NKPD1: variants seen among roughly 807,000 people sequenced by gnomAD.
The protein encoded by NKPD1 is NTPase KAP family P-loop domain containing 1.
A neutral mutation model predicts 42.2 loss-of-function variants in NKPD1; 37 were observed. The ratio of observed to expected loss-of-function variants is 0.88; its 90% confidence interval spans 0.67 to 1.15. The LOEUF (loss-of-function observed/expected upper bound fraction) is 1.15. Among genes scored for constraint, NKPD1 ranks in the 50% most tolerant of loss-of-function variants. The probability of loss-of-function intolerance (pLI) is 0.00; values close to 1 mark genes in which losing one functional copy is unlikely to be tolerated. For synonymous variants in NKPD1, 552 were observed against 536.5 expected, an observed-to-expected ratio of 1.03 and a Z score of -0.40; for missense variants, 1,113 against 1,174.6, an observed-to-expected ratio of 0.95 and a Z score of 0.77.
At position 45,152,142 on chromosome 19, in the gene NKPD1, C is replaced by A. The variant is rs1968792253; in HGVS notation, c.2295G>T (p.Pro765=). 6 of 1,599,860 alleles carry A rather than the reference C, an allele frequency of 3.8e-6. No homozygotes were observed. Among genetic ancestry groups the A allele is most frequent in the Non-Finnish European group, 5.1e-6 (6 of 1,174,250 alleles). The part of the protein sequence containing the change: ...GLIRAVSALK[P]PSPPKSPTRD... ...GGGTAGGGGACTTGGGCGGGCTGGG[C>A]GGCTTGAGCGCGCTGACGGCTCGGA... Residue 765 remains proline, a synonymous_variant, in exon 5 of 5, where the codon CCG becomes CCT. Coordinates refer to ENST00000686631, the MANE Select transcript of NKPD1 (RefSeq NM_198478.4).
chr19:45,158,253 C>A lies in NKPD1; in HGVS notation c.529+410G>T, dbSNP rs1968939937. Among the ~76,000 whole-genome samples the A allele has an allele frequency of 6.6e-6, 1 of 152,232 alleles. No individual in the cohort carries two copies. The highest frequency in any genetic ancestry group is 2.1e-4 in the South Asian group (1 of 4,830). ...TGACCTTTGCTCTCCGTTCCCCAGGCTACTCCCTAGCTCTGTCTTCCCCAA... is the reference window on the plus strand; with the variant it reads ...TGACCTTTGCTCTCCGTTCCCCAGGATACTCCCTAGCTCTGTCTTCCCCAA... On this transcript the variant is annotated intron_variant, in intron 3 of 4. Transcript: ENST00000686631. This position sits in a 1 kb window ranked among gnomAD's most constrained non-coding sequence, Gnocchi z 4.6.
rs1968789876 is a variant in NKPD1, at chr19:45,152,098, G to A, written c.2339C>T (p.Ala780Val). The part of the protein sequence containing the change: ...KSPTRDTPHA[A>V]HRANSASRAP... ...CCTGGAGGCGCTGTTGGCCCGGTGGGCAGCGTGGGGGGTATCGCGGGTAGG... is the reference window on the plus strand; with the variant it reads ...CCTGGAGGCGCTGTTGGCCCGGTGGACAGCGTGGGGGGTATCGCGGGTAGG... Residue 780 changes from alanine (A) to valine (V), a missense_variant, in exon 5 of 5, where the codon GCC becomes GTC. Transcript: ENST00000686631. 4 of 1,605,960 alleles carry A rather than the reference G, an allele frequency of 2.5e-6. No homozygotes were observed. Among genetic ancestry groups the A allele is most frequent in the Non-Finnish European group, 3.4e-6 (4 of 1,177,272 alleles).
At chr19:45,161,156 G>A (rs16979707), upstream of NKPD1, among the ~76,000 whole-genome samples, 4 of 152,204 alleles carry the variant, frequency 2.6e-5, no homozygotes, top group Non-Finnish European at 4.4e-5. Flanking sequence ...GGTAAGGAAC[G>A]GAGATGCATC....
In NKPD1 at chr19:45,153,603, GA is replaced by G; in HGVS notation, c.833del (p.Phe278SerfsTer20). On this transcript the variant is annotated frameshift_variant, in exon 5 of 5. Transcript: ENST00000686631. LOFTEE classifies it high-confidence loss of function. ...HLRRRNVQFL[F>X]IRFSAWQYAG... ...CGTACTGCCAGGCGCTAAAGCGGAT[GA>G]AAAGGAACTGCACGTTCCTGCGCCG... is the stretch of plus-strand genomic sequence containing the variant. 2 of 1,573,240 alleles carry G rather than the reference GA, an allele frequency of 1.3e-6. No individual in the cohort carries two copies. Among genetic ancestry groups the G allele is most frequent in the Non-Finnish European group, 1.7e-6 (2 of 1,157,002 alleles).
chr19:45,152,367 G>A lies in NKPD1; in HGVS notation c.2070C>T (p.Leu690=), dbSNP rs770032033. 9.6e-5 allele frequency: 153 copies of A among 1,596,646 alleles called. No individual in the cohort carries two copies. The African/African-American group carries it at 1.9e-3, about 19-fold the overall frequency. The change falls in exon 5 of 5, where the codon CTC becomes CTT. Residue 690 remains leucine (L), a synonymous_variant. Transcript: ENST00000686631. ...GGCTGTTGTCGCGGAAAACGTCCCA[G>A]AGGCGCGCGCGGCCCTCGGGCGCGC... ...TGGAPEGRAR[L]WDVFRDNSRE... is the part of the protein sequence containing the mutation.
chr19:45,155,499 C>T (rs1968885250), intron 4 of NKPD1, among the ~76,000 whole-genome samples: 1 of 152,218 alleles, frequency 6.6e-6, no homozygotes, highest in Non-Finnish European at 1.5e-5. Flanking sequence ...GCCTCAGGTG[C>T]TGGGGAGCAT....
In NKPD1 at chr19:45,150,549, C is replaced by G. The variant is rs535531695; in HGVS notation, c.*1389G>C. ...ACTTAACGGTGTCACGAGGCCCCATCCTTCTCCCTCTGAGGCCAGCTCTCC... is the reference window on the plus strand; with the variant it reads ...ACTTAACGGTGTCACGAGGCCCCATGCTTCTCCCTCTGAGGCCAGCTCTCC... On this transcript the variant is annotated 3_prime_UTR_variant, in exon 5 of 5. Coordinates refer to ENST00000686631, the MANE Select transcript of NKPD1 (RefSeq NM_198478.4). The G allele has an allele frequency of 6.6e-6, 1 of 152,468 alleles. No homozygotes were observed. Among genetic ancestry groups the G allele is most frequent in the Non-Finnish European group, 1.5e-5 (1 of 68,148 alleles). 9.4% of individuals were successfully genotyped at this position (152,468 alleles called of 1,614,324 possible). A position where few individuals can be genotyped will look rare whatever the true frequency, so the allele number is the denominator to read the frequency against.
chr19:45,152,421 C>G lies in NKPD1; in HGVS notation c.2016G>C (p.Gln672His). ...CGGTCTGCTGCCGGTCCTCCAGGCA[C>G]TGCAGCGCCCAGCTCAGGCGGCACG... ...QWPCRLSWAL[Q>H]CLEDRQQTGG... The change falls in exon 5 of 5, where the codon CAG becomes CAC. Residue 672 changes from glutamine (Q) to histidine (H), a missense_variant. By Grantham distance (24) the Gln-to-His change is conservative. This residue lies in a region of NKPD1 where 867 missense variants were observed against 870.1 expected (regional missense o/e 1.00). Transcript: ENST00000686631. 6.4e-7 allele frequency: 1 copy of G among 1,570,072 alleles called. No homozygotes were observed. The highest frequency in any genetic ancestry group is 8.6e-7 in the Non-Finnish European group (1 of 1,160,116).
At position 45,152,652 on chromosome 19, in the gene NKPD1, C is replaced by T. The variant is rs995942149; in HGVS notation, c.1785G>A (p.Arg595=). 1 of 1,551,252 alleles carries T rather than the reference C, an allele frequency of 6.4e-7. No homozygotes were observed. The highest frequency in any genetic ancestry group is 8.6e-7 in the Non-Finnish European group (1 of 1,157,534). The change falls in exon 5 of 5, where the codon CGG becomes CGA. Residue 595 remains arginine (R), a synonymous_variant. Transcript: ENST00000686631. The part of the protein sequence containing the change: ...GQGRIDDEAA[R]RIQEALFCLH... Reference sequence around the variant, plus strand: ...GGCAGAAGAGCGCCTCCTGGATTCGCCGCGCCGCCTCGTCGTCGATGCGGC... The same window carrying T: ...GGCAGAAGAGCGCCTCCTGGATTCGTCGCGCCGCCTCGTCGTCGATGCGGC...
chr19:45,153,205 ATCT>A lies in NKPD1; in HGVS notation c.1229_1231del (p.Lys410del). 6.3e-7 allele frequency: 1 copy of A among 1,593,548 alleles called. No homozygotes were observed. Among genetic ancestry groups the A allele is most frequent in the Non-Finnish European group, 8.5e-7 (1 of 1,170,654 alleles). On this transcript the variant is annotated inframe_deletion, in exon 5 of 5. Coordinates refer to ENST00000686631, the MANE Select transcript of NKPD1 (RefSeq NM_198478.4). Reference sequence around the variant, plus strand: ...CTTTTCACGCGACACCAGCCGCTCGATCTTCTTGCGCTGGCTTACGAACAGGTG... The same window carrying A: ...CTTTTCACGCGACACCAGCCGCTCGATCTTGCGCTGGCTTACGAACAGGTG...
At chr19:45,161,524 C>A (rs906460608), upstream of NKPD1, among the ~76,000 whole-genome samples, 1 of 152,250 alleles carries the variant, frequency 6.6e-6, no homozygotes, top group Non-Finnish European at 1.5e-5. Flanking sequence ...CTCCACCACC[C>A]AGGGGGCCAG....
rs764226958 is a variant in NKPD1 at position 45,153,188 on chromosome 19, G to A, written c.1249C>T (p.Arg417Cys). The change falls in exon 5 of 5, where the codon CGT (arginine) becomes TGT (cysteine). Residue 417 changes from arginine (R) to cysteine (C), a missense_variant. Around this residue, in one of 3 missense-constraint regions of NKPD1, gnomAD observed 867 missense variants for 870.1 expected, o/e 1.00. Transcript: ENST00000686631. ...QRKKIERLVS[R>C]EKFGSQLGFM... is the part of the protein sequence containing the mutation. ...CCCAGCTGGCTGCCGAACTTTTCAC[G>A]CGACACCAGCCGCTCGATCTTCTTG... 1.0e-5 allele frequency: 16 copies of A among 1,584,576 alleles called. No homozygotes were observed. Among genetic ancestry groups the A allele is most frequent in the Non-Finnish European group, 1.3e-5 (15 of 1,166,360 alleles).
intron 3 of NKPD1, among the ~76,000 whole-genome samples, chr19:45,156,601 C>G (rs950904515): frequency 5.3e-5 from 8 of 152,200 alleles, no homozygotes; most frequent in African/African-American, 2.4e-5. Context: ...AGCGCCGGGC[C>G]CTTGGTCAAT....
chr19:45,152,018 C>G lies in NKPD1; in HGVS notation c.2419G>C (p.Asp807His). 6.2e-7 allele frequency: 1 copy of G among 1,610,662 alleles called. No homozygotes were observed. The highest frequency in any genetic ancestry group is 1.7e-5 in the Admixed American group (1 of 59,906). The change falls in exon 5 of 5, where the codon GAC becomes CAC. Residue 807 changes from aspartate (D) to histidine (H), a missense_variant. Physicochemically the swap from Asp to His is moderately conservative, Grantham distance 81. Transcript: ENST00000686631. ...CATAGCTTGCCCCTGTGGGCCAAGT[C>G]CCCAGTGTGGTGGCCTTCGCCGGCT... ...GQAGEGHHTG[D>H]LAHRGKLWPV...
In NKPD1 at chr19:45,156,873, G is replaced by A. The variant is rs1968912928; in HGVS notation, c.530-957C>T. 3.3e-5 allele frequency among the ~76,000 whole-genome samples: 5 copies of A among 152,338 alleles called. No individual in the cohort carries two copies. The South Asian group carries it at 1.0e-3, about 32-fold the overall frequency. On this transcript the variant is annotated intron_variant, in intron 3 of 4. Coordinates refer to ENST00000686631, the MANE Select transcript of NKPD1 (RefSeq NM_198478.4). Reference sequence around the variant, plus strand: ...CCTGGCGGCAGAGCCAGGAGGCCAGGAAGCAGACTCAGGAGTAGTTCTACT... The same window carrying A: ...CCTGGCGGCAGAGCCAGGAGGCCAGAAAGCAGACTCAGGAGTAGTTCTACT...
rs1599717500 is a variant in NKPD1, at chr19:45,150,723, T to A, written c.*1215A>T. ...ACCTGCATGCACCTGTGACAATTGCTGTGGCCAGAGAACTCCGGTGCTGCA... is the reference window on the plus strand; with the variant it reads ...ACCTGCATGCACCTGTGACAATTGCAGTGGCCAGAGAACTCCGGTGCTGCA... On this transcript the variant is annotated 3_prime_UTR_variant, in exon 5 of 5. Transcript: ENST00000686631. 6.6e-6 allele frequency: 1 copy of A among 152,410 alleles called. No homozygotes were observed. The highest frequency in any genetic ancestry group is 1.9e-4 in the East Asian group (1 of 5,184). The allele number at this position is 152,410 out of a possible 1,614,324, so 9.4% of individuals were successfully genotyped here.
rs761204103 is a variant in NKPD1, at chr19:45,158,896, C to T, written c.296G>A (p.Arg99Gln). ...CTGGGCTTCGTGAATGGGGCAGAGC[C>T]GCTGCCGCAGGGGGCTGGGAGGTGA... Reference protein sequence around the residue: ...QPSPPSPLRQRLCPIHEAQKG... With the variant: ...QPSPPSPLRQQLCPIHEAQKG... Residue 99 changes from arginine to glutamine, a missense_variant, in exon 3 of 5, where the codon CGG becomes CAG. Physicochemically the swap from Arg to Gln is conservative, Grantham distance 43. Coordinates refer to ENST00000686631, the MANE Select transcript of NKPD1 (RefSeq NM_198478.4). This position sits in a 1 kb window ranked among gnomAD's most constrained non-coding sequence, Gnocchi z 4.6. 6 of 1,292,920 alleles carry T rather than the reference C, an allele frequency of 4.6e-6. No homozygotes were observed. Among genetic ancestry groups the T allele is most frequent in the African/African-American group, 3.1e-5 (2 of 65,364 alleles). The allele number at this position is 1,292,920 out of a possible 1,614,324, so 80.1% of individuals were successfully genotyped here.
chr19:45,161,546 G>A (rs966594233), upstream of NKPD1, among the ~76,000 whole-genome samples: 20 of 152,198 alleles, frequency 1.3e-4, no homozygotes, highest in African/African-American at 3.6e-4. Context: ...TGTGATGCCC[G>A]CTTCACAGAT....
rs547026989 is a variant in NKPD1 at position 45,153,399 on chromosome 19, C to G, written c.1038G>C (p.Ala346=). Residue 346 remains alanine, a synonymous_variant, in exon 5 of 5, where the codon GCG becomes GCC. Transcript: ENST00000686631. ...CRRRVCLGLL[A]LLAALGLGVG... is the part of the protein sequence containing the mutation. ...CACCCAGGCCCAGCGCCGCCAGCAG[C>G]GCCAGCAGCCCCAGGCACACGCGGC... 3.9e-6 allele frequency: 6 copies of G among 1,555,552 alleles called. No homozygotes were observed. The highest frequency in any genetic ancestry group is 5.2e-6 in the Non-Finnish European group (6 of 1,154,142).
Sources: allele counts gnomAD v4.1 joint callset (sites outside exome capture counted in the v4.1 genomes callset), GRCh38; gene constraint gnomAD v4.1.1; regional missense constraint gnomAD v4.1.1; non-coding constraint Gnocchi (gnomAD v3.1); transcripts MANE v1.5; gene names NCBI Gene and HGNC (gene_info 2026-07-23, HGNC 2026-07-21).